Variants in MYO3B observed in about 807,000 individuals in gnomAD.
The protein encoded by MYO3B is myosin-IIIb.
In MYO3B, 156 loss-of-function variants were observed where a neutral mutation model predicts 174.6. The observed-to-expected ratio is 0.89, with a 90% confidence interval of 0.78 to 1.02. The LOEUF (loss-of-function observed/expected upper bound fraction) is 1.02, where lower values mean the gene tolerates loss of function less well. Ranked by LOEUF, MYO3B falls within the 50% of genes least tolerant of loss-of-function variation. The pLI, the probability that MYO3B is intolerant of heterozygous loss-of-function variation, is 0.00. For missense variants in MYO3B, 1,632 were observed against 1,639.4 expected, an observed-to-expected ratio of 1.00 and a Z score of 0.08; for synonymous variants, 563 against 569.1, an observed-to-expected ratio of 0.99 and a Z score of 0.15.
intron 29 of MYO3B, among the ~76,000 whole-genome samples, chr2:170,518,534 A>G (rs967994808): frequency 3.3e-5 from 5 of 152,204 alleles, no homozygotes; most frequent in Admixed American, 1.3e-4. Flanking sequence ...TCCCAGATCA[A>G]TATCAGAATG....
intron 32 of MYO3B, among the ~76,000 whole-genome samples, chr2:170,628,767 A>G (rs1276759254): frequency 2.6e-5 from 4 of 152,190 alleles, no homozygotes; most frequent in Non-Finnish European, 5.9e-5. Context: ...CACTTTACCA[A>G]CAATGGTCCA....
At chr2:170,371,249 T>TTTC (rs1451125351) in intron 9 of MYO3B, among the ~76,000 whole-genome samples, 1 of 149,818 alleles carries the variant, frequency 6.7e-6, no homozygotes, top group Non-Finnish European at 1.5e-5. Flanking sequence ...AACCAAAACC[T>TTTC]TTCTTCTTTT....
At chr2:170,327,860 C>CAT (rs201033292) in intron 7 of MYO3B, among the ~76,000 whole-genome samples, 7,477 of 102,478 alleles carry the variant, frequency 0.073, 630 homozygotes, top group African/African-American at 0.19. Flanking sequence ...GAATTATTAG[C>CAT]ATATATATAT....
chr2:170,376,609 T>TTA (rs1479894754), intron 9 of MYO3B, among the ~76,000 whole-genome samples: 3 of 152,040 alleles, frequency 2.0e-5, no homozygotes, highest in Non-Finnish European at 4.4e-5. Context: ...CTCTCTATTT[T>TTA]TTTTTTTGCC....
intron 1 of MYO3B, among the ~76,000 whole-genome samples, chr2:170,194,923 T>C (rs780483739): frequency 3.3e-5 from 5 of 152,158 alleles, no homozygotes; most frequent in Non-Finnish European, 7.4e-5. Context: ...TGGAGTCTGA[T>C]GTTTGAGGGT....
intron 30 of MYO3B, among the ~76,000 whole-genome samples, chr2:170,537,216 CA>C (rs1172374111): frequency 7.1e-3 from 76 of 10,674 alleles, no homozygotes; most frequent in African/African-American, 0.024. Flanking sequence ...AAAAAAAAAA[CA>C]AAAAACAAAA....
intron 25 of MYO3B, among the ~76,000 whole-genome samples, chr2:170,486,365 C>T (rs926838565): frequency 5.9e-5 from 8 of 136,180 alleles, no homozygotes; most frequent in South Asian, 2.3e-4. Flanking sequence ...AGTGCAATGG[C>T]GCAATCTTGG....
At chr2:170,610,074 C>T (rs1306839495) in intron 32 of MYO3B, among the ~76,000 whole-genome samples, 2 of 152,240 alleles carry the variant, frequency 1.3e-5, no homozygotes, top group Admixed American at 6.5e-5. Context: ...CAGTGGCTCA[C>T]GCCTGTAATC....
At chr2:170,482,497 T>C (rs1018364463) in intron 25 of MYO3B, among the ~76,000 whole-genome samples, 3 of 152,204 alleles carry the variant, frequency 2.0e-5, no homozygotes, top group Admixed American at 6.5e-5. Context: ...AAAATGTGAC[T>C]TGCTCCTCCT....
intron 25 of MYO3B, among the ~76,000 whole-genome samples, chr2:170,471,106 C>T (rs2105980817): frequency 6.6e-6 from 1 of 151,616 alleles, no homozygotes; most frequent in South Asian, 2.1e-4. Flanking sequence ...GCTGGAGTGC[C>T]CTGGCACAGT....
chr2:170,449,831 A>G (rs1574997880), intron 23 of MYO3B, among the ~76,000 whole-genome samples: 1 of 152,214 alleles, frequency 6.6e-6, no homozygotes, highest in East Asian at 1.9e-4. Flanking sequence ...GAAAAACAAA[A>G]GGATTCGCAA....
At position 170,382,417 on chromosome 2, in the gene MYO3B, A is replaced by C. The variant is rs890151266; in HGVS notation, c.1068+305A>C. 4 of 213,634 alleles carry C rather than the reference A, an allele frequency of 1.9e-5. No individual in the cohort carries two copies. The Admixed American group carries it at 2.0e-4, about 11-fold the overall frequency. The allele number at this position is 213,634 out of a possible 1,614,324, so 13.2% of individuals were successfully genotyped here. ...ATTTTGTTTGATAAAATTTGATAAA[A>C]TATTTCAATTAACCCTTAAGAAGTT... On this transcript the variant is annotated intron_variant, in intron 10 of 34. Transcript: ENST00000408978.
chr2:170,382,197 C>G (rs2094341021), intron 10 of MYO3B, 85 bp downstream of exon 10: 1 of 1,091,424 alleles, frequency 9.2e-7, no homozygotes, highest in Non-Finnish European at 1.4e-6. Flanking sequence ...ACCATGTCCT[C>G]CTAAGGTCAT....
chr2:170,191,292 G>T (rs894950466), intron 1 of MYO3B, among the ~76,000 whole-genome samples: 1 of 151,966 alleles, frequency 6.6e-6, no homozygotes. Context: ...GCACTGCCTG[G>T]GGTTGGAAGA....
chr2:170,510,737 T>C lies in MYO3B; in HGVS notation c.3371-4184T>C, dbSNP rs142597636. 7.8e-4 allele frequency among the ~76,000 whole-genome samples: 118 copies of C among 152,208 alleles called. 1 individual carries two copies. Among genetic ancestry groups the C allele is most frequent in the African/African-American group, 2.7e-3 (112 of 41,510 alleles). On this transcript the variant is annotated intron_variant, in intron 28 of 34. Transcript: ENST00000408978. ...TTCTTGACATCCACCCCCCTCACCC[T>C]CAGCCCCTGATAACCACTAATGGGT...
chr2:170,574,410 T>C (rs1409573837), intron 32 of MYO3B, among the ~76,000 whole-genome samples: 1 of 152,158 alleles, frequency 6.6e-6, no homozygotes, highest in East Asian at 1.9e-4. Context: ...AAGGTAATAA[T>C]AGACAGGGAT....
chr2:170,313,076 C>T (rs1054627886), intron 7 of MYO3B, among the ~76,000 whole-genome samples: 2 of 152,128 alleles, frequency 1.3e-5, no homozygotes, highest in Admixed American at 1.3e-4. Context: ...TCTTCTACTC[C>T]CAGTAATTGG....
intron 32 of MYO3B, 65 bp from the exon 33 acceptor site, chr2:170,651,563 C>A (rs1178195727): frequency 3.9e-6 from 5 of 1,280,692 alleles, no homozygotes; most frequent in Non-Finnish European, 5.7e-6. Flanking sequence ...ATGTGAAGAG[C>A]CATTTTTCAC....
At chr2:170,357,619 G>A (rs1441930370) in intron 8 of MYO3B, among the ~76,000 whole-genome samples, 4 of 151,482 alleles carry the variant, frequency 2.6e-5, no homozygotes, top group Non-Finnish European at 5.9e-5. Flanking sequence ...ATTTATTTAA[G>A]CACCTATTGT....
Sources: allele counts gnomAD v4.1 joint callset (sites outside exome capture counted in the v4.1 genomes callset), GRCh38; gene constraint gnomAD v4.1.1; transcripts MANE v1.5; gene names NCBI Gene and HGNC (gene_info 2026-07-23, HGNC 2026-07-21).